The following MYH10 variants were observed in gnomAD, a reference collection of about 807,000 sequenced individuals.
MYH10 encodes the protein myosin-10.
MYH10 carries 55 observed loss-of-function variants against 257.8 expected under a neutral mutation model. The ratio of observed to expected loss-of-function variants is 0.21; its 90% CI spans 0.17 to 0.27. The LOEUF (loss-of-function observed/expected upper bound fraction) is 0.27. Among genes scored for constraint, MYH10 ranks in the 10% least tolerant of loss-of-function variants. The pLI, the probability that MYH10 is intolerant of heterozygous loss-of-function variation, is 1.00. For synonymous variants in MYH10, 854 were observed against 921.7 expected (o/e 0.93, Z 1.33); for missense variants, 1,631 against 2,500.6 (o/e 0.65, Z 7.42).
intron 37 of MYH10, 116 bp downstream of exon 37, chr17:8,484,022 A>T: frequency 9.8e-7 from 1 of 1,016,822 alleles, no homozygotes; most frequent in Non-Finnish European, 1.4e-6. Flanking sequence ...AAAATAAAAA[A>T]CAAAAATGTA....
intron 7 of MYH10, among the ~76,000 whole-genome samples, chr17:8,566,839 C>G (rs1053841214): frequency 2.6e-5 from 4 of 152,134 alleles, no homozygotes; most frequent in African/African-American, 7.2e-5. Context: ...GGGGATAAAT[C>G]CTTACACTTC....
At chr17:8,493,049 G>C (rs1916025165) in intron 32 of MYH10, 25 bp from the exon 33 acceptor site, 2 of 1,609,334 alleles carry the variant, frequency 1.2e-6, no homozygotes, top group African/African-American at 1.3e-5. Flanking sequence ...CGGACAAACA[G>C]AAAGCTCAGT....
rs2084734753 is a variant in MYH10, at chr17:8,604,734, T to C, written c.502+92A>G. ...TTTTATTAATTTTAAAAAAATAAAA[T>C]TTAACTTTTGTAGAATACATTGAGA... On this transcript the variant is annotated intron_variant, in intron 3 of 42. Transcript: ENST00000360416. 4 of 967,986 alleles carry C rather than the reference T, an allele frequency of 4.1e-6. No individual in the cohort carries two copies. In the East Asian group the frequency reaches 9.2e-5, roughly 22 times the overall value. 60.0% of individuals were successfully genotyped at this position (967,986 alleles called of 1,614,324 possible). A position where few individuals can be genotyped will look rare whatever the true frequency, so the allele number is the denominator to read the frequency against.
chr17:8,546,603 G>C lies in MYH10; in HGVS notation c.1219C>G (p.Leu407Val), dbSNP rs750786311. The change falls in exon 12 of 43, where the codon CTG becomes GTG. Residue 407 changes from leucine (L) to valine (V), a missense_variant. This residue lies in a region of MYH10 where 360 missense variants were observed against 581.9 expected (regional missense o/e 0.62). Transcript: ENST00000360416. ...MNVMEFTRAI[L>V]TPRIKVGRDY... ...CGGCCGACCTTGATCCGGGGAGTCAGGATGGCCCGAGTAAACTCCATCACA... is the reference window on the plus strand; with the variant it reads ...CGGCCGACCTTGATCCGGGGAGTCACGATGGCCCGAGTAAACTCCATCACA... 6.2e-7 allele frequency: 1 copy of C among 1,614,126 alleles called. No homozygotes were observed. Among genetic ancestry groups the C allele is most frequent in the Non-Finnish European group, 8.5e-7 (1 of 1,180,002 alleles).
intron 30 of MYH10, among the ~76,000 whole-genome samples, chr17:8,498,499 G>C (rs1485747901): frequency 6.6e-6 from 1 of 152,092 alleles, no homozygotes; most frequent in Non-Finnish European, 1.5e-5. Context: ...TCGGGTCTAA[G>C]GATACTCACA....
At chr17:8,500,282 G>C (rs1041837059) in intron 29 of MYH10, among the ~76,000 whole-genome samples, 1 of 152,188 alleles carries the variant, frequency 6.6e-6, no homozygotes, top group African/African-American at 2.4e-5. Flanking sequence ...TGCACAGGAG[G>C]GTGGCGTGAG....
chr17:8,565,908 T>G (rs1255712491), intron 7 of MYH10, among the ~76,000 whole-genome samples: 1 of 152,244 alleles, frequency 6.6e-6, no homozygotes, highest in Non-Finnish European at 1.5e-5. Context: ...ATGTATTACT[T>G]TGCAAATAAA....
Position 8,545,727 on chromosome 17 carries a change from G to T in MYH10, c.1279-127C>A. The T allele has an allele frequency of 1.1e-6, 1 of 876,044 alleles. No individual in the cohort carries two copies. Among genetic ancestry groups the T allele is most frequent in the Non-Finnish European group, 1.7e-6 (1 of 585,522 alleles). 54.3% of individuals were successfully genotyped at this position (876,044 alleles called of 1,614,324 possible). ...GAGATGGCATTCACTGCTTAATCATGTCTCAATTTTACACATCAATAGAAG... is the reference window on the plus strand; with the variant it reads ...GAGATGGCATTCACTGCTTAATCATTTCTCAATTTTACACATCAATAGAAG... On this transcript the variant is annotated intron_variant, in intron 12 of 42. Transcript: ENST00000360416. The surrounding 1 kb of genome is among the most constrained non-coding windows in gnomAD (Gnocchi z 4.7).
Position 8,545,577 on chromosome 17 carries a change from C to T in MYH10, c.1302G>A (p.Leu434=). ...KEQADFAVEA[L]AKATYERLFR... is the part of the protein sequence containing the mutation. ...AGAGCCGCTCATAGGTAGCTTTTGC[C>T]AATGCTTCTACTGCAAAATCTGCCT... Residue 434 remains leucine (L), a synonymous_variant, in exon 13 of 43, where the codon TTG becomes TTA. Transcript: ENST00000360416. The surrounding 1 kb of genome is among the most constrained non-coding windows in gnomAD (Gnocchi z 4.7). The T allele has an allele frequency of 5.0e-6, 8 of 1,613,308 alleles. No homozygotes were observed. Among genetic ancestry groups the T allele is most frequent in the Non-Finnish European group, 6.8e-6 (8 of 1,179,778 alleles).
chr17:8,591,680 CTGCGTCTGTACA>C (rs575317689), intron 3 of MYH10, among the ~76,000 whole-genome samples: 312 of 152,234 alleles, frequency 2.0e-3, no homozygotes, highest in Non-Finnish European at 3.7e-3. Flanking sequence ...GGCGTTCTTC[CTGCGTCTGTACA>C]TGCTATTATC....
intron 7 of MYH10, among the ~76,000 whole-genome samples, chr17:8,557,238 A>C (rs1271166181): frequency 6.6e-6 from 1 of 152,202 alleles, no homozygotes; most frequent in Non-Finnish European, 1.5e-5. Context: ...ACTTTCTAAA[A>C]TGAATAATCC....
At chr17:8,618,968 T>C (rs891569722) in intron 2 of MYH10, among the ~76,000 whole-genome samples, 11 of 152,228 alleles carry the variant, frequency 7.2e-5, no homozygotes, top group Non-Finnish European at 1.5e-4. Flanking sequence ...CAAGAAAATG[T>C]CTGCCAAATA....
chr17:8,481,351 C>A lies in MYH10; in HGVS notation c.5235G>T (p.Ala1745=). The stretch of plus-strand genomic sequence containing the variant: ...CAGAGGCGCTGTTGGTGATCTCGTC[C>A]GCCAGCTCATCTCTCTCCTGCTCGG... The part of the protein sequence containing the change: ...RHAEQERDEL[A]DEITNSASGK... Residue 1745 remains alanine (A), a synonymous_variant, in exon 38 of 43, where the codon GCG becomes GCT. Transcript: ENST00000360416. 2 of 1,614,044 alleles carry A rather than the reference C, an allele frequency of 1.2e-6. No homozygotes were observed. The highest frequency in any genetic ancestry group is 2.2e-5 in the South Asian group (2 of 91,078).
At chr17:8,616,920 T>C (rs1017546535) in intron 2 of MYH10, among the ~76,000 whole-genome samples, 3 of 152,178 alleles carry the variant, frequency 2.0e-5, no homozygotes, top group Admixed American at 6.5e-5. Flanking sequence ...AGCTGAAAGA[T>C]AGGCACACAG....
chr17:8,589,513 G>T (rs1299774168), intron 3 of MYH10, among the ~76,000 whole-genome samples: 2 of 152,064 alleles, frequency 1.3e-5, no homozygotes, highest in African/African-American at 4.8e-5. Flanking sequence ...CTTTAAATAA[G>T]CGCCCCAGGT....
At chr17:8,513,451 C>T (rs192291741) in intron 23 of MYH10, 87 bp downstream of exon 23, 394 of 1,552,734 alleles carry the variant, frequency 2.5e-4, no homozygotes, top group Non-Finnish European at 2.8e-4. Flanking sequence ...TACAGCTATT[C>T]ATAATGAAAT....
intron 8 of MYH10, among the ~76,000 whole-genome samples, chr17:8,553,719 C>G (rs1195112114): frequency 1.3e-5 from 2 of 152,210 alleles, no homozygotes; most frequent in South Asian, 2.1e-4. Context: ...CACACAAACA[C>G]TGTGGCACTC....
chr17:8,601,977 CTT>C (rs11481345), intron 3 of MYH10, among the ~76,000 whole-genome samples: 90 of 138,850 alleles, frequency 6.5e-4, no homozygotes, highest in African/African-American at 2.1e-3. Flanking sequence ...GAAACAGAAT[CTT>C]TTTTTTTTTT....
rs1240865510 is a variant in MYH10 at position 8,475,299 on chromosome 17, T to A, written c.*505A>T. 6.5e-6 allele frequency: 1 copy of A among 153,444 alleles called. No homozygotes were observed. Among genetic ancestry groups the A allele is most frequent in the Non-Finnish European group, 1.5e-5 (1 of 68,912 alleles). 9.5% of individuals were successfully genotyped at this position (153,444 alleles called of 1,614,324 possible). On this transcript the variant is annotated 3_prime_UTR_variant, in exon 43 of 43. Coordinates refer to ENST00000360416, the MANE Select transcript of MYH10 (RefSeq NM_001256012.3). ...AGTTTGCTCACTGAAATAGCATTGA[T>A]CATTATTTGAAGGAAATGAGAGAGA...
Sources: allele counts gnomAD v4.1 joint callset (sites outside exome capture counted in the v4.1 genomes callset), GRCh38; gene constraint gnomAD v4.1.1; regional missense constraint gnomAD v4.1.1; non-coding constraint Gnocchi (gnomAD v3.1); transcripts MANE v1.5; gene names NCBI Gene and HGNC (gene_info 2026-07-23, HGNC 2026-07-21).